GPC3: variants seen among roughly 807,000 people sequenced by gnomAD.
GPC3 encodes the protein glypican-3.
A neutral mutation model predicts 34.4 loss-of-function variants in GPC3; 3 were observed. The ratio of observed to expected loss-of-function variants is 0.09; its 90% CI spans 0.04 to 0.23. The LOEUF (loss-of-function observed/expected upper bound fraction) is 0.23, where lower values mean the gene tolerates loss of function less well. Among genes scored for constraint, GPC3 ranks in the 10% least tolerant of loss-of-function variants. The pLI is 1.00. For synonymous variants in GPC3, 177 were observed against 174.0 expected, an observed-to-expected ratio of 1.02 and a Z score of -0.13; for missense variants, 351 against 445.6, an observed-to-expected ratio of 0.79 and a Z score of 1.91.
At chrX:133,548,858 C>A (rs146297960) in intron 7 of GPC3, among the ~76,000 whole-genome samples, 91 of 111,438 alleles carry the variant, frequency 8.2e-4, no homozygotes, top group Admixed American at 2.5e-3. Flanking sequence ...TTTTTGCCTG[C>A]CGCCATCCAC....
At chrX:133,536,482 G>C (rs1222176717) in intron 7 of GPC3, among the ~76,000 whole-genome samples, 189 bp from the exon 8 acceptor site, 1 of 107,063 alleles carries the variant, frequency 9.3e-6, no homozygotes, top group Non-Finnish European at 1.9e-5. Context: ...TGGGGAGAGG[G>C]GAGGCAGTGG....
intron 1 of GPC3, among the ~76,000 whole-genome samples, chrX:133,964,571 AT>A (rs1176123277): frequency 8.9e-6 from 1 of 112,218 alleles, no homozygotes; most frequent in Non-Finnish European, 1.9e-5. Flanking sequence ...TGTAGACATT[AT>A]TGGGCAGAAA....
chrX:133,958,676 G>GTTTTT (rs2076427727), intron 1 of GPC3, among the ~76,000 whole-genome samples: 1 of 99,432 alleles, frequency 1.0e-5, no homozygotes, highest in Non-Finnish European at 2.0e-5. Context: ...AACTACCAAC[G>GTTTTT]CCTGGCCAAC....
At chrX:133,632,098 ATT>A (rs1569401286) in intron 6 of GPC3, among the ~76,000 whole-genome samples, 4 of 110,048 alleles carry the variant, frequency 3.6e-5, no homozygotes, top group African/African-American at 1.3e-4. Flanking sequence ...CACTTTAAAA[ATT>A]TTTTAAAAAA....
intron 3 of GPC3, among the ~76,000 whole-genome samples, chrX:133,730,860 T>C (rs180760404): frequency 8.9e-6 from 1 of 112,010 alleles, no homozygotes; most frequent in African/African-American, 3.2e-5. Flanking sequence ...CATGTTTTAG[T>C]TCTGGTTTGA....
chrX:133,744,997 C>T (rs2071599447), intron 3 of GPC3, among the ~76,000 whole-genome samples: 3 of 109,967 alleles, frequency 2.7e-5, no homozygotes, highest in African/African-American at 1.0e-4. Flanking sequence ...GAACATCACA[C>T]ACCGGGGCCT....
At chrX:133,663,337 C>A (rs1252630698) in intron 5 of GPC3, among the ~76,000 whole-genome samples, 1 of 111,713 alleles carries the variant, frequency 9.0e-6, no homozygotes, top group Admixed American at 9.4e-5. Context: ...GTTGGCCAGG[C>A]TGGTCTTGAA....
intron 2 of GPC3, among the ~76,000 whole-genome samples, chrX:133,877,002 G>A (rs912243699): frequency 3.6e-5 from 4 of 111,490 alleles, no homozygotes; most frequent in African/African-American, 1.3e-4. Context: ...ATGCTGAACT[G>A]GAAAGACTAT....
intron 7 of GPC3, among the ~76,000 whole-genome samples, chrX:133,563,893 T>C (rs1416132859): frequency 2.7e-5 from 3 of 111,744 alleles, no homozygotes; most frequent in Non-Finnish European, 5.6e-5. Context: ...TAAGGCTGTA[T>C]TTCCCACTCC....
At chrX:133,855,238 C>G (rs910575766) in intron 2 of GPC3, among the ~76,000 whole-genome samples, 2 of 110,871 alleles carry the variant, frequency 1.8e-5, no homozygotes, top group African/African-American at 6.6e-5. Context: ...TCATGGCTCA[C>G]TGCAGCCTCA....
At chrX:133,619,245 AT>A (rs2070202839) in intron 6 of GPC3, among the ~76,000 whole-genome samples, 1 of 112,495 alleles carries the variant, frequency 8.9e-6, no homozygotes, top group African/African-American at 3.2e-5. Flanking sequence ...GGAATGTAAA[AT>A]GGTGGATTCA....
intron 2 of GPC3, among the ~76,000 whole-genome samples, chrX:133,888,665 T>C (rs779096962): frequency 3.6e-5 from 4 of 112,608 alleles, no homozygotes; most frequent in Non-Finnish European, 5.6e-5. Context: ...TGCATTTCTC[T>C]AATGACCAGT....
intron 2 of GPC3, among the ~76,000 whole-genome samples, chrX:133,784,429 A>C (rs2072082243): frequency 9.0e-6 from 1 of 111,505 alleles, no homozygotes. Context: ...TAATCAGGGA[A>C]TTGAAAATCC....
chrX:133,539,754 C>T (rs1159339091), intron 7 of GPC3, among the ~76,000 whole-genome samples: 1 of 112,484 alleles, frequency 8.9e-6, no homozygotes. Flanking sequence ...AGCCAGGCAC[C>T]TGTGGCTTAT....
At chrX:133,614,902 A>G (rs566462469) in intron 6 of GPC3, among the ~76,000 whole-genome samples, 1 of 111,833 alleles carries the variant, frequency 8.9e-6, no homozygotes, top group East Asian at 2.8e-4. Context: ...AGAGGGTTAT[A>G]CTGGAATACT....
At chrX:133,730,249 A>G (rs776510212) in intron 3 of GPC3, among the ~76,000 whole-genome samples, 13 of 112,281 alleles carry the variant, frequency 1.2e-4, no homozygotes, top group Non-Finnish European at 2.3e-4. Context: ...CTCATCTGCA[A>G]ATGAAATAGA....
At chrX:133,721,848 T>G (rs760392454) in intron 3 of GPC3, among the ~76,000 whole-genome samples, 4 of 112,054 alleles carry the variant, frequency 3.6e-5, no homozygotes, top group African/African-American at 1.3e-4. Context: ...AAAAATTTTG[T>G]ACATTTTTGT....
chrX:133,708,906 T>C (rs1305504470), intron 3 of GPC3, among the ~76,000 whole-genome samples: 2 of 112,537 alleles, frequency 1.8e-5, no homozygotes, highest in Non-Finnish European at 3.8e-5. Context: ...GATTAACTTG[T>C]CAAACTTTCC....
intron 5 of GPC3, among the ~76,000 whole-genome samples, chrX:133,666,600 T>C (rs770674751): frequency 4.4e-5 from 5 of 112,454 alleles, no homozygotes; most frequent in Non-Finnish European, 5.6e-5. Flanking sequence ...CAGCTCTCAA[T>C]ACTTTTTTCT....
Sources: gnomAD v4.1 joint callset for allele counts (sites outside exome capture counted in the v4.1 genomes callset) on GRCh38, gnomAD v4.1.1 for gene constraint, MANE v1.5 for transcripts, NCBI Gene and HGNC (gene_info 2026-07-23, HGNC 2026-07-21) for gene names.